BAIAP2L1: variants seen among roughly 807,000 people sequenced by gnomAD.
The protein encoded by BAIAP2L1 is BAR/IMD domain-containing adapter protein 2-like 1.
BAIAP2L1 carries 35 observed loss-of-function variants against 66.3 expected under a neutral mutation model. That is an observed-to-expected ratio of 0.53 (90% CI 0.40 to 0.70). The LOEUF (loss-of-function observed/expected upper bound fraction) is 0.70, where lower values mean the gene tolerates loss of function less well. Ranked by LOEUF, BAIAP2L1 falls within the 30% of genes least tolerant of loss-of-function variation. BAIAP2L1 has a pLI of 0.00. For missense variants in BAIAP2L1, 622 were observed against 656.9 expected (o/e 0.95, Z 0.58); for synonymous variants, 269 against 248.7 (o/e 1.08, Z -0.77).
intron 11 of BAIAP2L1, among the ~76,000 whole-genome samples, chr7:98,305,047 G>GT (rs59633894): frequency 0.16 from 16,269 of 100,266 alleles, 2,125 homozygotes; most frequent in African/African-American, 0.28. Flanking sequence ...TTTGTTTTTT[G>GT]TTTTTTTTTT....
At chr7:98,400,708 T>C in intron 1 of BAIAP2L1, 94 bp downstream of exon 1, 3 of 1,384,390 alleles carry the variant, frequency 2.2e-6, no homozygotes, top group Non-Finnish European at 3.0e-6. Context: ...GGAGGGGAGC[T>C]GGAGGGAGGG....
intron 5 of BAIAP2L1, among the ~76,000 whole-genome samples, chr7:98,318,950 A>G (rs2116899329): frequency 6.6e-6 from 1 of 151,714 alleles, no homozygotes; most frequent in South Asian, 2.1e-4. Context: ...CATCTCAAAA[A>G]AAAAAAAAAA....
At chr7:98,383,478 G>C (rs527421229) in intron 1 of BAIAP2L1, among the ~76,000 whole-genome samples, 1 of 151,780 alleles carries the variant, frequency 6.6e-6, no homozygotes, top group Admixed American at 6.6e-5. Context: ...GTAGAGACGG[G>C]GTTTCTCCAT....
At chr7:98,318,895 G>A (rs1358231861) in intron 5 of BAIAP2L1, among the ~76,000 whole-genome samples, 1 of 146,726 alleles carries the variant, frequency 6.8e-6, no homozygotes, top group African/African-American at 2.5e-5. Flanking sequence ...AGTGAGCCCC[G>A]AGATTGCGCC....
intron 3 of BAIAP2L1, among the ~76,000 whole-genome samples, chr7:98,354,357 C>T (rs1283535974): frequency 2.0e-5 from 3 of 152,138 alleles, no homozygotes; most frequent in Non-Finnish European, 4.4e-5. Flanking sequence ...TCTTTAAATA[C>T]GCACACACTT....
chr7:98,315,647 A>AATAAT (rs755582174), intron 6 of BAIAP2L1, 35 bp from the exon 7 acceptor site: 2 of 1,063,060 alleles, frequency 1.9e-6, no homozygotes, highest in Non-Finnish European at 2.4e-6. Context: ...TAATAATTAT[A>AATAAT]TAAGCATGAC....
chr7:98,354,184 G>A (rs1332171756), intron 3 of BAIAP2L1, among the ~76,000 whole-genome samples: 1 of 151,464 alleles, frequency 6.6e-6, no homozygotes, highest in African/African-American at 2.4e-5. Flanking sequence ...CCTCTCATTT[G>A]TCCCTGTCTT....
chr7:98,336,062 G>C (rs1801609273), intron 3 of BAIAP2L1, among the ~76,000 whole-genome samples: 1 of 150,246 alleles, frequency 6.7e-6, no homozygotes, highest in African/African-American at 2.5e-5. Flanking sequence ...TCCAAATACC[G>C]CATATCTCAC....
chr7:98,368,633 T>C (rs6956686), intron 1 of BAIAP2L1, among the ~76,000 whole-genome samples: 57,646 of 151,644 alleles, frequency 0.38, 12,449 homozygotes, highest in Middle Eastern at 0.54. Flanking sequence ...GGAGGTTGCA[T>C]TGAGTCGAGA....
At chr7:98,398,429 C>T (rs1803269788) in intron 1 of BAIAP2L1, among the ~76,000 whole-genome samples, 1 of 151,214 alleles carries the variant, frequency 6.6e-6, no homozygotes, top group South Asian at 2.1e-4. Context: ...TCATAGATTA[C>T]ATAAACTTGT....
intron 3 of BAIAP2L1, among the ~76,000 whole-genome samples, chr7:98,343,748 C>G (rs920852349): frequency 3.9e-5 from 6 of 152,218 alleles, no homozygotes; most frequent in Admixed American, 3.9e-4. Context: ...CACAAGAGAT[C>G]TTCTACTGTC....
intron 3 of BAIAP2L1, among the ~76,000 whole-genome samples, chr7:98,339,916 C>A (rs1018296749): frequency 6.6e-6 from 1 of 152,336 alleles, no homozygotes; most frequent in African/African-American, 2.4e-5. Flanking sequence ...GCCACCCCCC[C>A]TCGCCATGAC....
chr7:98,394,808 G>A (rs1022988234), intron 1 of BAIAP2L1, among the ~76,000 whole-genome samples: 5 of 152,178 alleles, frequency 3.3e-5, no homozygotes, highest in Admixed American at 1.3e-4. Flanking sequence ...ATAATATCTT[G>A]GAATAGTCTG....
chr7:98,388,146 C>T (rs1369580359), intron 1 of BAIAP2L1, among the ~76,000 whole-genome samples: 4 of 152,116 alleles, frequency 2.6e-5, no homozygotes, highest in Non-Finnish European at 5.9e-5. Flanking sequence ...CTACGATGCG[C>T]CAGATGCTAT....
At chr7:98,383,264 A>G (rs1050512394) in intron 1 of BAIAP2L1, among the ~76,000 whole-genome samples, 2 of 151,256 alleles carry the variant, frequency 1.3e-5, no homozygotes, top group Non-Finnish European at 2.9e-5. Context: ...GATGACTACC[A>G]TGTAATATAA....
At chr7:98,364,986 CAAAAAAAAAAA>C (rs531177927) in intron 1 of BAIAP2L1, among the ~76,000 whole-genome samples, 21 of 30,802 alleles carry the variant, frequency 6.8e-4, no homozygotes, top group Admixed American at 5.8e-3. Flanking sequence ...GGATATGTCT[CAAAAAAAAAAA>C]AAAAAAAAAA....
At chr7:98,349,558 C>T (rs566036737) in intron 3 of BAIAP2L1, among the ~76,000 whole-genome samples, 25 of 152,246 alleles carry the variant, frequency 1.6e-4, no homozygotes, top group African/African-American at 5.5e-4. Context: ...CTAACGATAA[C>T]CTCTCATCCC....
chr7:98,312,491 G>A (rs1800908763), intron 7 of BAIAP2L1, among the ~76,000 whole-genome samples: 1 of 152,206 alleles, frequency 6.6e-6, no homozygotes, highest in Non-Finnish European at 1.5e-5. Flanking sequence ...TGATCCCTCA[G>A]TGTGAATACA....
At chr7:98,336,615 C>A (rs1219013524) in intron 3 of BAIAP2L1, among the ~76,000 whole-genome samples, 7 of 151,970 alleles carry the variant, frequency 4.6e-5, no homozygotes, top group African/African-American at 1.7e-4. Flanking sequence ...GACTTTGTCT[C>A]AAAAAAATAA....
Sources: gnomAD v4.1 joint callset for allele counts (sites outside exome capture counted in the v4.1 genomes callset) on GRCh38, gnomAD v4.1.1 for gene constraint, MANE v1.5 for transcripts, NCBI Gene and HGNC (gene_info 2026-07-23, HGNC 2026-07-21) for gene names.